PPARGC1A: variants seen among roughly 807,000 people sequenced by gnomAD.
PPARGC1A encodes the protein PPARG coactivator 1 alpha, also known as peroxisome proliferator-activated receptor gamma coactivator 1-alpha.
A neutral mutation model predicts 88.7 loss-of-function variants in PPARGC1A; 25 were observed. The observed-to-expected ratio is 0.28, with a 90% CI of 0.21 to 0.39. The LOEUF (loss-of-function observed/expected upper bound fraction) is 0.39, where lower values mean the gene tolerates loss of function less well. PPARGC1A is among the 10% of genes least tolerant of loss of function. The pLI is 1.00. For missense variants in PPARGC1A, 880 were observed against 968.7 expected, an observed-to-expected ratio of 0.91 and a Z score of 1.22; for synonymous variants, 363 against 355.6, an observed-to-expected ratio of 1.02 and a Z score of -0.24.
At chr4:23,845,449 G>A (rs1560431492) in intron 2 of PPARGC1A, among the ~76,000 whole-genome samples, 1 of 152,122 alleles carries the variant, frequency 6.6e-6, no homozygotes, top group Non-Finnish European at 1.5e-5. Context: ...ACACTAAGAT[G>A]CAGGTAACGT....
chr4:23,997,028 T>C, the PPARGC1A span, among the ~76,000 whole-genome samples: 1 of 152,220 alleles, frequency 6.6e-6, no homozygotes, highest in South Asian at 2.1e-4. Flanking sequence ...CAATTAGTGA[T>C]GTCTGCTCTG....
At chr4:23,983,830 C>T in the PPARGC1A span, among the ~76,000 whole-genome samples, 1 of 151,890 alleles carries the variant, frequency 6.6e-6, no homozygotes, top group East Asian at 1.9e-4. Context: ...ACCACCAGCA[C>T]CTCTCATTTT....
chr4:24,157,055 T>C, the PPARGC1A span, among the ~76,000 whole-genome samples: 1 of 152,290 alleles, frequency 6.6e-6, no homozygotes, highest in African/African-American at 2.4e-5. Context: ...CTGTATAGGG[T>C]TGTGGTTAAG....
At chr4:24,261,407 T>C in the PPARGC1A span, among the ~76,000 whole-genome samples, 1 of 152,128 alleles carries the variant, frequency 6.6e-6, no homozygotes, top group Non-Finnish European at 1.5e-5. Context: ...CTTCTCCTCC[T>C]CCTCCTGCGT....
the PPARGC1A span, among the ~76,000 whole-genome samples, chr4:24,351,560 A>T: frequency 1.4e-5 from 2 of 145,536 alleles, no homozygotes; most frequent in African/African-American, 2.8e-5. Flanking sequence ...GGGTGCTTAT[A>T]AAAAAAATCA....
chr4:24,279,572 C>T, the PPARGC1A span, among the ~76,000 whole-genome samples: 7 of 152,106 alleles, frequency 4.6e-5, no homozygotes, highest in African/African-American at 1.7e-4. Flanking sequence ...ATCAAACAAA[C>T]AAAGAATTCA....
chr4:24,058,771 C>T, the PPARGC1A span, among the ~76,000 whole-genome samples: 1 of 152,084 alleles, frequency 6.6e-6, no homozygotes, highest in Non-Finnish European at 1.5e-5. Flanking sequence ...CATGGAGAAA[C>T]CTCGTCTCTA....
At chr4:24,065,477 T>C in the PPARGC1A span, among the ~76,000 whole-genome samples, 1 of 152,198 alleles carries the variant, frequency 6.6e-6, no homozygotes, top group African/African-American at 2.4e-5. Flanking sequence ...CGTTCGGCAA[T>C]GCCTTCAGTG....
At chr4:24,326,247 G>A in the PPARGC1A span, among the ~76,000 whole-genome samples, 7 of 151,890 alleles carry the variant, frequency 4.6e-5, no homozygotes, top group Non-Finnish European at 7.4e-5. Flanking sequence ...GTTATCACTC[G>A]CCTGCTACAG....
the PPARGC1A span, among the ~76,000 whole-genome samples, chr4:24,073,052 G>GT: frequency 0.027 from 4,032 of 151,912 alleles, 157 homozygotes; most frequent in African/African-American, 0.077. Flanking sequence ...TTTTTGCTTT[G>GT]TTTGTTTTGA....
the PPARGC1A span, among the ~76,000 whole-genome samples, chr4:24,046,945 C>G: frequency 6.8e-4 from 104 of 152,196 alleles, 1 homozygote; most frequent in Admixed American, 2.7e-3. Context: ...TTGAAGACTA[C>G]CTGCTACATG....
chr4:24,022,948 T>C, the PPARGC1A span, among the ~76,000 whole-genome samples: 1 of 152,180 alleles, frequency 6.6e-6, no homozygotes, highest in African/African-American at 2.4e-5. Flanking sequence ...GAATAAGACA[T>C]GTGCCTTAAC....
At chr4:23,977,167 TAA>T in the PPARGC1A span, among the ~76,000 whole-genome samples, 1 of 152,236 alleles carries the variant, frequency 6.6e-6, no homozygotes, top group African/African-American at 2.4e-5. Context: ...CACAATATTG[TAA>T]ATAGTTATTA....
the PPARGC1A span, among the ~76,000 whole-genome samples, chr4:23,918,977 G>C: frequency 6.6e-6 from 1 of 151,764 alleles, no homozygotes; most frequent in Non-Finnish European, 1.5e-5. Flanking sequence ...ACTTATTTTA[G>C]GACCCATCTA....
the PPARGC1A span, among the ~76,000 whole-genome samples, chr4:23,986,432 A>C: frequency 6.6e-6 from 1 of 152,092 alleles, no homozygotes; most frequent in Admixed American, 6.6e-5. Flanking sequence ...AAGAGTTAAT[A>C]AGTCTCTACT....
chr4:24,317,204 C>A, the PPARGC1A span, among the ~76,000 whole-genome samples: 1 of 152,024 alleles, frequency 6.6e-6, no homozygotes, highest in Non-Finnish European at 1.5e-5. Flanking sequence ...TCTATTTATT[C>A]ATGTGTTCAT....
the PPARGC1A span, among the ~76,000 whole-genome samples, chr4:24,452,459 C>G: frequency 6.6e-6 from 1 of 152,150 alleles, no homozygotes; most frequent in African/African-American, 2.4e-5. Context: ...TTCCTTCCAT[C>G]ATTGTGCACT....
At chr4:24,386,734 A>G in the PPARGC1A span, among the ~76,000 whole-genome samples, 1 of 152,196 alleles carries the variant, frequency 6.6e-6, no homozygotes, top group Non-Finnish European at 1.5e-5. Flanking sequence ...GCTCAAGGAA[A>G]TAAGAGAGGA....
At chr4:23,897,308 T>C (rs75264099) in intron 1 of PPARGC1A, among the ~76,000 whole-genome samples, 5,298 of 152,288 alleles carry the variant, frequency 0.035, 110 homozygotes, top group Non-Finnish European at 0.05. Flanking sequence ...CTCAAGTCTA[T>C]CTGACAGGTG....
Sources: allele counts gnomAD v4.1 joint callset (sites outside exome capture counted in the v4.1 genomes callset), GRCh38; gene constraint gnomAD v4.1.1; transcripts MANE v1.5; gene names NCBI Gene and HGNC (gene_info 2026-07-23, HGNC 2026-07-21).